The following HECTD4 variants were observed in gnomAD, a reference collection of about 807,000 sequenced individuals.
HECTD4 encodes HECT domain E3 ubiquitin protein ligase 4, also known as probable E3 ubiquitin-protein ligase HECTD4.
In HECTD4, 114 loss-of-function variants were observed where a neutral mutation model predicts 471.5. The observed-to-expected ratio is 0.24, with a 90% CI of 0.21 to 0.28. The LOEUF (loss-of-function observed/expected upper bound fraction) is 0.28. Ranked by LOEUF, HECTD4 falls within the 10% of genes least tolerant of loss-of-function variation. The probability of loss-of-function intolerance (pLI) is 1.00; values close to 1 mark genes in which losing one functional copy is unlikely to be tolerated. For missense variants in HECTD4, 3,866 were observed against 5,651.5 expected (o/e 0.68, Z 10.13); for synonymous variants, 2,012 against 2,256.0 (o/e 0.89, Z 3.07).
At chr12:112,296,282 G>A (rs1199453301) in intron 7 of HECTD4, among the ~76,000 whole-genome samples, 2 of 151,894 alleles carry the variant, frequency 1.3e-5, no homozygotes, top group African/African-American at 2.4e-5. Context: ...GAGGGTGTAG[G>A]TGCAGTGGAT....
chr12:112,232,038 C>T (rs899477348), intron 38 of HECTD4, among the ~76,000 whole-genome samples: 1 of 152,098 alleles, frequency 6.6e-6, no homozygotes, highest in Non-Finnish European at 1.5e-5. Flanking sequence ...AGAGATCTAC[C>T]TCATTGTTTT....
At chr12:112,240,750 C>A (rs768923520) in intron 32 of HECTD4, among the ~76,000 whole-genome samples, 6 of 152,156 alleles carry the variant, frequency 3.9e-5, no homozygotes, top group Admixed American at 1.3e-4. Context: ...TGTGCCTAGC[C>A]AAGGCAGTTT....
intron 68 of HECTD4, 32 bp downstream of exon 68, chr12:112,171,085 C>A: frequency 6.3e-7 from 1 of 1,577,958 alleles, no homozygotes. Context: ...CCTCTCTCTT[C>A]CTGCAGGGCC....
chr12:112,187,719 T>C (rs779003762), intron 60 of HECTD4, among the ~76,000 whole-genome samples: 24 of 147,286 alleles, frequency 1.6e-4, no homozygotes, highest in Non-Finnish European at 3.1e-4. Context: ...CTCCGCCTCC[T>C]GGGTTCACAC....
chr12:112,374,820 A>T (rs1248839859), intron 1 of HECTD4, among the ~76,000 whole-genome samples: 5 of 152,226 alleles, frequency 3.3e-5, no homozygotes, highest in Non-Finnish European at 5.9e-5. Context: ...ATTTCAGCTG[A>T]TCAACTTCAA....
At chr12:112,272,327 G>C (rs1207601599) in intron 11 of HECTD4, among the ~76,000 whole-genome samples, 1 of 152,196 alleles carries the variant, frequency 6.6e-6, no homozygotes, top group Non-Finnish European at 1.5e-5. Flanking sequence ...TGGGATTACA[G>C]GTGTGGGCCA....
chr12:112,358,261 T>A (rs2036382272), intron 1 of HECTD4, among the ~76,000 whole-genome samples: 1 of 152,098 alleles, frequency 6.6e-6, no homozygotes, highest in South Asian at 2.1e-4. Context: ...TTTAGAGGAA[T>A]AAAATAATGT....
chr12:112,325,370 G>A (rs2035720698), intron 1 of HECTD4, among the ~76,000 whole-genome samples: 1 of 152,110 alleles, frequency 6.6e-6, no homozygotes, highest in African/African-American at 2.4e-5. Flanking sequence ...AAATCCATTA[G>A]GCTACTCAGC....
At position 112,309,628 on chromosome 12, in the gene HECTD4, G is replaced by A. The variant is rs1485530347; in HGVS notation, c.958C>T (p.Leu320=). ...CTTCCAACTGAGTTAGTAGTATACA[G>A]GTAAAGACCATCTGCCGTGAGACAG... ...GRCLTADGLY[L]YTTNSVGRGV... Residue 320 remains leucine (L), a synonymous_variant, in exon 5 of 76, where the codon CTG becomes TTG. Coordinates refer to ENST00000682272, the MANE Select transcript of HECTD4 (RefSeq NM_001388303.1). 2.6e-6 allele frequency: 4 copies of A among 1,534,884 alleles called. No individual in the cohort carries two copies. The highest frequency in any genetic ancestry group is 3.5e-6 in the Non-Finnish European group (4 of 1,145,252).
At chr12:112,244,079 T>C in intron 29 of HECTD4, 70 bp from the exon 30 acceptor site, 1 of 1,478,888 alleles carries the variant, frequency 6.8e-7, no homozygotes, top group Admixed American at 1.9e-5. Flanking sequence ...AACACAGAAC[T>C]ACCCAACAGT....
At chr12:112,301,134 C>T (rs2035156444) in intron 7 of HECTD4, among the ~76,000 whole-genome samples, 1 of 151,758 alleles carries the variant, frequency 6.6e-6, no homozygotes. Flanking sequence ...GATCCACCCA[C>T]CTCGGCCTCC....
chr12:112,269,587 G>T, intron 13 of HECTD4, 117 bp downstream of exon 13: 1 of 1,081,710 alleles, frequency 9.2e-7, no homozygotes, highest in Non-Finnish European at 1.3e-6. Flanking sequence ...AATCCATGAG[G>T]TCCCAATTGT....
rs1458673948 is a variant in HECTD4 at position 112,243,769 on chromosome 12, G to T, written c.4650-8C>A. On this transcript the variant is annotated splice_polypyrimidine_tract_variant and splice_region_variant and intron_variant, in intron 30 of 75. Transcript: ENST00000682272. The surrounding 1 kb of genome is among the most constrained non-coding windows in gnomAD (Gnocchi z 6.6). ...CTGGTCACGTGGCGACGCCTACGGG[G>T]AACACAGAACAGACTGGCAAGACGA... 6.2e-7 allele frequency: 1 copy of T among 1,611,640 alleles called. No individual in the cohort carries two copies. Among genetic ancestry groups the T allele is most frequent in the East Asian group, 2.2e-5 (1 of 44,816 alleles).
rs1284917239 is a variant in HECTD4, at chr12:112,228,565, C to T, written c.6684+82G>A. ...TTAAGATAATCAAGCATTTGTGCTT[C>T]TGCACTGAGCATGTGCATAGACTCA... On this transcript the variant is annotated intron_variant, in intron 42 of 75. Transcript: ENST00000682272. The surrounding 1 kb of genome is among the most constrained non-coding windows in gnomAD (Gnocchi z 4.9). 1.6e-6 allele frequency: 2 copies of T among 1,224,768 alleles called. No individual in the cohort carries two copies. Among genetic ancestry groups the T allele is most frequent in the African/African-American group, 1.5e-5 (1 of 65,664 alleles). The allele number at this position is 1,224,768 out of a possible 1,614,324, so 75.9% of individuals were successfully genotyped here. A position where few individuals can be genotyped will look rare whatever the true frequency, so the allele number is the denominator to read the frequency against.
In HECTD4 at chr12:112,266,941, T is replaced by C. The variant is rs1330788102; in HGVS notation, c.2363A>G (p.Asn788Ser). 4 of 1,534,966 alleles carry C rather than the reference T, an allele frequency of 2.6e-6. No individual in the cohort carries two copies. Among genetic ancestry groups the C allele is most frequent in the African/African-American group, 1.4e-5 (1 of 73,044 alleles). Residue 788 changes from asparagine to serine, a missense_variant, in exon 14 of 76, where the codon AAT becomes AGT. Physicochemically the swap from Asn to Ser is conservative, Grantham distance 46. Coordinates refer to ENST00000682272, the MANE Select transcript of HECTD4 (RefSeq NM_001388303.1). ...TGTTAAGACCAGTTTAAGTAAGTTA[T>C]TGATTTCAGTTTCACCTGGGTACAA... ...NILYPGETEI[N>S]NLLKLVLTEG...
In HECTD4 at chr12:112,375,749, A is replaced by T. The variant is rs562049043; in HGVS notation, c.177+6203T>A. 2.0e-5 allele frequency among the ~76,000 whole-genome samples: 3 copies of T among 152,148 alleles called. No homozygotes were observed. The East Asian group carries it at 5.8e-4, about 29-fold the overall frequency. Reference sequence around the variant, plus strand: ...AGTTATTGCTTTTTTATTTCTCTTAAATGTATATTTATTTCAACATTTTAA... The same window carrying T: ...AGTTATTGCTTTTTTATTTCTCTTATATGTATATTTATTTCAACATTTTAA... On this transcript the variant is annotated intron_variant, in intron 1 of 75. Coordinates refer to ENST00000682272, the MANE Select transcript of HECTD4 (RefSeq NM_001388303.1).
At chr12:112,204,391 C>G in intron 53 of HECTD4, 95 bp downstream of exon 53, 1 of 1,228,522 alleles carries the variant, frequency 8.1e-7, no homozygotes, top group Non-Finnish European at 1.2e-6. Context: ...GAGAGTCACC[C>G]TAGGAGAACC....
intron 54 of HECTD4, 122 bp from the exon 55 acceptor site, chr12:112,200,920 G>T: frequency 1.2e-6 from 1 of 832,764 alleles, no homozygotes; most frequent in African/African-American, 1.7e-5. Flanking sequence ...TGTATTTTCA[G>T]TCCAGGCTTT....
intron 44 of HECTD4, among the ~76,000 whole-genome samples, chr12:112,226,252 G>A (rs1045784493): frequency 1.3e-5 from 2 of 151,798 alleles, no homozygotes; most frequent in African/African-American, 4.8e-5. Flanking sequence ...CACATGCAAG[G>A]ATGGATGTTA....
Sources: gnomAD v4.1 joint callset for allele counts (sites outside exome capture counted in the v4.1 genomes callset) on GRCh38, gnomAD v4.1.1 for gene constraint, Gnocchi (gnomAD v3.1) non-coding constraint, MANE v1.5 for transcripts, NCBI Gene and HGNC (gene_info 2026-07-23, HGNC 2026-07-21) for gene names.